ZBTB41: variants seen among roughly 807,000 people sequenced by gnomAD.
ZBTB41 encodes zinc finger and BTB domain-containing protein 41.
Under a neutral mutation model 87.6 loss-of-function variants are expected in ZBTB41, and 42 were observed. That is an observed-to-expected ratio of 0.48 (90% confidence interval 0.37 to 0.62). ZBTB41 has a LOEUF of 0.62. Ranked by LOEUF, ZBTB41 falls within the 20% of genes least tolerant of loss-of-function variation. ZBTB41 has a pLI of 0.00. For synonymous variants in ZBTB41, 364 were observed against 364.0 expected, an observed-to-expected ratio of 1.00 and a Z score of 0.00; for missense variants, 799 against 1,078.9, an observed-to-expected ratio of 0.74 and a Z score of 3.63.
intron 10 of ZBTB41, among the ~76,000 whole-genome samples, chr1:197,162,244 G>A (rs4244139): frequency 0.44 from 67,108 of 151,938 alleles, 16,529 homozygotes; most frequent in East Asian, 0.82. Flanking sequence ...ATAGATAGCA[G>A]AAAAGGTGAA....
In ZBTB41 at chr1:197,181,025, A is replaced by G; in HGVS notation, c.1639T>C (p.Trp547Arg). 4 of 1,600,724 alleles carry G rather than the reference A, an allele frequency of 2.5e-6. No individual in the cohort carries two copies. Among genetic ancestry groups the G allele is most frequent in the Non-Finnish European group, 3.4e-6 (4 of 1,176,860 alleles). The change falls in exon 6 of 11, where the codon TGG (tryptophan) becomes CGG (arginine). Residue 547 changes from tryptophan (W) to arginine (R), a missense_variant. Trp to Arg is a moderately radical substitution (Grantham distance 101). Around this residue, in one of 5 missense-constraint regions of ZBTB41, gnomAD observed 198 missense variants for 358.4 expected, o/e 0.55. Coordinates refer to ENST00000367405, the MANE Select transcript of ZBTB41 (RefSeq NM_194314.3). ...IECTHGGKRK[W>R]TCFICGKSVR... ...GATTTTCCACAGATAAAGCAAGTCC[A>G]TTTTCTCTTTCCACCATGAGTACAT...
chr1:197,201,215 T>G lies in ZBTB41; in HGVS notation c.-118+8A>C, dbSNP rs1301766719. Among the ~76,000 whole-genome samples the G allele has an allele frequency of 6.6e-6, 1 of 152,050 alleles. No homozygotes were observed. The highest frequency in any genetic ancestry group is 1.5e-5 in the Non-Finnish European group (1 of 68,008). ...TTTCCCTGGGAAAACGCCCCACAGA[T>G]CCATTACCGGGAACCCAAGGCTCCC... On this transcript the variant is annotated splice_region_variant and intron_variant, in intron 1 of 10. Coordinates refer to ENST00000367405, the MANE Select transcript of ZBTB41 (RefSeq NM_194314.3).
chr1:197,178,356 G>T, intron 7 of ZBTB41, 61 bp downstream of exon 7: 1 of 1,151,844 alleles, frequency 8.7e-7, no homozygotes, highest in Admixed American at 2.4e-5. Context: ...TAAGAAAATA[G>T]AACTAAAATA....
intron 2 of ZBTB41, among the ~76,000 whole-genome samples, chr1:197,196,991 A>T (rs934013234): frequency 6.6e-6 from 1 of 152,144 alleles, no homozygotes; most frequent in Non-Finnish European, 1.5e-5. Context: ...GTACCCATTA[A>T]ACTCTAAGGT....
Position 197,181,126 on chromosome 1 carries a change from GA to G in ZBTB41, c.1547-10del, listed in dbSNP as rs747785997. ...ATCACATGGAAAAGGACCTAAAAAG[GA>G]AAAAAAAAAAGTGTGCATTTAAAGT... On this transcript the variant is annotated splice_polypyrimidine_tract_variant and intron_variant, in intron 5 of 10. Coordinates refer to ENST00000367405, the MANE Select transcript of ZBTB41 (RefSeq NM_194314.3). 30,706 of 1,034,038 alleles carry G rather than the reference GA, an allele frequency of 0.03. No individual in the cohort carries two copies. Among genetic ancestry groups the G allele is most frequent in the South Asian group, 0.065 (3,469 of 53,146 alleles). 64.1% of individuals were successfully genotyped at this position (1,034,038 alleles called of 1,614,324 possible).
At position 197,157,951 on chromosome 1, in the gene ZBTB41, T is replaced by G. The variant is rs551023273; in HGVS notation, c.*1408A>C. 2 of 152,424 alleles carry G rather than the reference T, an allele frequency of 1.3e-5. No homozygotes were observed. The highest frequency in any genetic ancestry group is 2.4e-5 in the African/African-American group (1 of 41,552). The allele number at this position is 152,424 out of a possible 1,614,324, so 9.4% of individuals were successfully genotyped here. A position where few individuals can be genotyped will look rare whatever the true frequency, so the allele number is the denominator to read the frequency against. Reference sequence around the variant, plus strand: ...AAGCAATTAGGAGTGTAAACAAAACTGAAATAGAAAACTTTTAAAACTGCT... The same window carrying G: ...AAGCAATTAGGAGTGTAAACAAAACGGAAATAGAAAACTTTTAAAACTGCT... On this transcript the variant is annotated 3_prime_UTR_variant, in exon 11 of 11. Coordinates refer to ENST00000367405, the MANE Select transcript of ZBTB41 (RefSeq NM_194314.3).
intron 10 of ZBTB41, among the ~76,000 whole-genome samples, chr1:197,168,346 A>G (rs573868170): frequency 1.3e-5 from 2 of 152,184 alleles, no homozygotes; most frequent in Non-Finnish European, 2.9e-5. Context: ...TGAAATTCCA[A>G]TAATTCCTAG....
At chr1:197,194,618 G>GAAAAA (rs71131750) in intron 2 of ZBTB41, among the ~76,000 whole-genome samples, 47 of 135,524 alleles carry the variant, frequency 3.5e-4, no homozygotes, top group African/African-American at 4.7e-4. Flanking sequence ...ATTTAAGCAA[G>GAAAAA]AAAAAAAAAA....
intron 2 of ZBTB41, among the ~76,000 whole-genome samples, chr1:197,198,547 C>T (rs1041985035): frequency 1.3e-5 from 2 of 152,002 alleles, no homozygotes; most frequent in Non-Finnish European, 2.9e-5. Flanking sequence ...CTTCAATTTA[C>T]CTGGAAGCTT....
rs1489898579 is a variant in ZBTB41 at position 197,172,319 on chromosome 1, A to G, written c.1986-71T>C. 14 of 394,388 alleles carry G rather than the reference A, an allele frequency of 3.5e-5. 1 individual carries two copies. 24.4% of individuals were successfully genotyped at this position (394,388 alleles called of 1,614,324 possible). A position where few individuals can be genotyped will look rare whatever the true frequency, so the allele number is the denominator to read the frequency against. On this transcript the variant is annotated intron_variant, in intron 9 of 10. Transcript: ENST00000367405. The stretch of plus-strand genomic sequence containing the variant: ...CTATAATAAATATGACAATATTAAT[A>G]ATTATATTAATAACTAACATAATGA...
At chr1:197,186,996 A>C (rs1334201214) in intron 5 of ZBTB41, among the ~76,000 whole-genome samples, 2 of 152,212 alleles carry the variant, frequency 1.3e-5, no homozygotes, top group Admixed American at 6.5e-5. Context: ...GGAAAATGCA[A>C]ATCAATGCAA....
chr1:197,189,488 T>C (rs1367384681), intron 4 of ZBTB41, among the ~76,000 whole-genome samples: 2 of 149,254 alleles, frequency 1.3e-5, no homozygotes, highest in Non-Finnish European at 3.0e-5. Flanking sequence ...ATCACACCAC[T>C]GCACTCCAGC....
chr1:197,185,039 C>T (rs1430279930), intron 5 of ZBTB41, among the ~76,000 whole-genome samples: 1 of 152,156 alleles, frequency 6.6e-6, no homozygotes, highest in African/African-American at 2.4e-5. Flanking sequence ...GTCTCGAACT[C>T]CTGACCTCAG....
chr1:197,192,134 A>T (rs902023506), intron 2 of ZBTB41, among the ~76,000 whole-genome samples: 1 of 152,174 alleles, frequency 6.6e-6, no homozygotes, highest in Non-Finnish European at 1.5e-5. Context: ...ATTAAAAAAA[A>T]ATATTCATGA....
intron 10 of ZBTB41, among the ~76,000 whole-genome samples, chr1:197,168,891 G>T (rs1201090768): frequency 6.6e-6 from 1 of 151,888 alleles, no homozygotes. Context: ...ATTAGAAAAA[G>T]ACAGACACTC....
intron 10 of ZBTB41, among the ~76,000 whole-genome samples, chr1:197,167,261 T>C (rs1571648629): frequency 6.6e-6 from 1 of 152,170 alleles, no homozygotes; most frequent in Non-Finnish European, 1.5e-5. Context: ...AGTGGTGCCA[T>C]CCCAGCTCAC....
chr1:197,171,176 C>A (rs1659466970), intron 10 of ZBTB41, among the ~76,000 whole-genome samples: 1 of 152,070 alleles, frequency 6.6e-6, no homozygotes, highest in African/African-American at 2.4e-5. Flanking sequence ...GTCATGAGTT[C>A]TATTAGGTTA....
chr1:197,172,691 G>T (rs1288283575), intron 9 of ZBTB41, among the ~76,000 whole-genome samples: 3 of 151,990 alleles, frequency 2.0e-5, no homozygotes, highest in African/African-American at 7.2e-5. Context: ...TTGTGGTGAT[G>T]ATTACATGAC....
At position 197,200,483 on chromosome 1, in the gene ZBTB41, G is replaced by C. The variant is rs780129065; in HGVS notation, c.-10C>G. On this transcript the variant is annotated 5_prime_UTR_variant, in exon 2 of 11. Transcript: ENST00000367405. ...TTCTCCTCTTCTTCATTGCAGTACA[G>C]CAATTTCAGAACAAGAAACTTCATA... 6.4e-7 allele frequency: 1 copy of C among 1,555,568 alleles called. No homozygotes were observed. The highest frequency in any genetic ancestry group is 1.2e-5 in the South Asian group (1 of 80,800).
Sources: allele counts gnomAD v4.1 joint callset (sites outside exome capture counted in the v4.1 genomes callset), GRCh38; gene constraint gnomAD v4.1.1; regional missense constraint gnomAD v4.1.1; transcripts MANE v1.5; gene names NCBI Gene and HGNC (gene_info 2026-07-23, HGNC 2026-07-21).